ZNF12: variants seen among roughly 807,000 people sequenced by gnomAD.
ZNF12 encodes zinc finger protein 12.
A neutral mutation model predicts 66.6 loss-of-function variants in ZNF12; 34 were observed. The observed-to-expected ratio is 0.51, with a 90% CI of 0.39 to 0.68. ZNF12 has a LOEUF of 0.68. Among genes scored for constraint, ZNF12 ranks in the 30% least tolerant of loss-of-function variants. The pLI, the probability that ZNF12 is intolerant of heterozygous loss-of-function variation, is 0.00. For synonymous variants in ZNF12, 320 were observed against 278.9 expected, an observed-to-expected ratio of 1.15 and a Z score of -1.47; for missense variants, 697 against 826.9, an observed-to-expected ratio of 0.84 and a Z score of 1.93.
intron 4 of ZNF12, among the ~76,000 whole-genome samples, chr7:6,693,785 C>A (rs1034572714): frequency 6.6e-6 from 1 of 152,192 alleles, no homozygotes; most frequent in Non-Finnish European, 1.5e-5. Context: ...TTTGCTTAAG[C>A]CAGACCCACC....
At chr7:6,702,502 A>C (rs1439162586) in intron 2 of ZNF12, among the ~76,000 whole-genome samples, 13 of 83,976 alleles carry the variant, frequency 1.5e-4, no homozygotes, top group South Asian at 4.4e-4. Context: ...ACACACACAC[A>C]CACACAGATT....
chr7:6,693,617 C>T (rs1780109541), intron 4 of ZNF12, among the ~76,000 whole-genome samples: 1 of 152,204 alleles, frequency 6.6e-6, no homozygotes, highest in South Asian at 2.1e-4. Flanking sequence ...TCTCTGTAGT[C>T]AGTATCCTTC....
At chr7:6,699,647 G>T (rs892912603) in intron 2 of ZNF12, among the ~76,000 whole-genome samples, 2 of 152,200 alleles carry the variant, frequency 1.3e-5, no homozygotes, top group African/African-American at 4.8e-5. Context: ...GCCCTGCCTT[G>T]CTGAGCAATA....
Position 6,697,811 on chromosome 7 carries a change from C to T in ZNF12, c.16G>A (p.Gly6Arg). Residue 6 changes from glycine to arginine, a missense_variant and splice_region_variant, in exon 3 of 5, where the codon GGG (glycine) becomes AGG (arginine). Transcript: ENST00000405858. The surrounding 1 kb of genome is among the most constrained non-coding windows in gnomAD (Gnocchi z 6.1). MNKSL[G>R]PVSFKDVAVD... ...GCCACGTCCTTGAATGACACTGGCC[C>T]CTGAAATGGCACCGTGATTGGAATT... 6.2e-7 allele frequency: 1 copy of T among 1,614,082 alleles called. No homozygotes were observed.
chr7:6,695,085 G>T (rs2115349524), intron 4 of ZNF12, among the ~76,000 whole-genome samples: 1 of 152,228 alleles, frequency 6.6e-6, no homozygotes. Flanking sequence ...CACCAGGCCT[G>T]GCTAATTGTT....
chr7:6,693,460 G>T (rs1732314915), intron 4 of ZNF12, among the ~76,000 whole-genome samples: 1 of 152,218 alleles, frequency 6.6e-6, no homozygotes, highest in Non-Finnish European at 1.5e-5. Flanking sequence ...ATAGCGATGA[G>T]ATCAACTGGA....
chr7:6,692,456 T>C lies in ZNF12; in HGVS notation c.486A>G (p.Arg162=), dbSNP rs779129999. The C allele has an allele frequency of 1.2e-6, 2 of 1,613,028 alleles. No individual in the cohort carries two copies. The highest frequency in any genetic ancestry group is 1.7e-6 in the Non-Finnish European group (2 of 1,179,362). Residue 162 remains arginine (R), a synonymous_variant, in exon 5 of 5, where the codon AGA becomes AGG. Transcript: ENST00000405858. The surrounding 1 kb of genome is among the most constrained non-coding windows in gnomAD (Gnocchi z 5.1). ...EYISSDGSYA[R]MKADECSGCG... The stretch of plus-strand genomic sequence containing the variant: ...ATCCACTACATTCATCAGCTTTCAT[T>C]CTTGCATAGCTTCCATCACTACTAA...
rs1304881550 is a variant in ZNF12, at chr7:6,690,049, CT to C, written c.*798del. Reference sequence around the variant, plus strand: ...ATTTTATACATGGATATTTATCTCTCTGGCTGACTCAGATACAGTTGAAAAC... The same window carrying C: ...ATTTTATACATGGATATTTATCTCTCGGCTGACTCAGATACAGTTGAAAAC... On this transcript the variant is annotated 3_prime_UTR_variant, in exon 5 of 5. Transcript: ENST00000405858. 1.3e-5 allele frequency: 2 copies of C among 152,178 alleles called. No homozygotes were observed. Among genetic ancestry groups the C allele is most frequent in the African/African-American group, 4.8e-5 (2 of 41,454 alleles). 9.4% of individuals were successfully genotyped at this position (152,178 alleles called of 1,614,324 possible). A position where few individuals can be genotyped will look rare whatever the true frequency, so the allele number is the denominator to read the frequency against.
In ZNF12 at chr7:6,705,549, T is replaced by A. The variant is rs1279098030; in HGVS notation, c.-50-326A>T. The stretch of plus-strand genomic sequence containing the variant: ...GCCTGGCCAACATGGTGAAACCCCA[T>A]GTCTAGTAAAAATACAAAAATTAGC... On this transcript the variant is annotated intron_variant, in intron 1 of 4. Transcript: ENST00000405858. The surrounding 1 kb of genome is among the most constrained non-coding windows in gnomAD (Gnocchi z 4.0). Among the ~76,000 whole-genome samples, 2 of 152,160 alleles carry A rather than the reference T, an allele frequency of 1.3e-5. No homozygotes were observed. The highest frequency in any genetic ancestry group is 4.8e-5 in the African/African-American group (2 of 41,440).
chr7:6,695,464 C>T (rs1583464534), intron 4 of ZNF12, among the ~76,000 whole-genome samples: 1 of 151,990 alleles, frequency 6.6e-6, no homozygotes, highest in Non-Finnish European at 1.5e-5. Context: ...GCCTCAGCTT[C>T]CCAGGGTTGG....
At position 6,690,289 on chromosome 7, in the gene ZNF12, T is replaced by G. The variant is rs1407701063; in HGVS notation, c.*559A>C. The G allele has an allele frequency of 6.6e-6, 1 of 152,280 alleles. No homozygotes were observed. Among genetic ancestry groups the G allele is most frequent in the Non-Finnish European group, 1.5e-5 (1 of 68,092 alleles). The allele number at this position is 152,280 out of a possible 1,614,324, so 9.4% of individuals were successfully genotyped here. On this transcript the variant is annotated 3_prime_UTR_variant, in exon 5 of 5. Transcript: ENST00000405858. ...CGAAGTGAACATACAATTCCTGTAA[T>G]GTACTGTAATAAAAACAACCCTCTC... is the stretch of plus-strand genomic sequence containing the variant.
At position 6,692,676 on chromosome 7, in the gene ZNF12, A is replaced by C. The variant is rs1780092462; in HGVS notation, c.266T>G (p.Ile89Arg). The change falls in exon 5 of 5, where the codon ATA (isoleucine) becomes AGA (arginine). Residue 89 changes from isoleucine (I) to arginine (R), a missense_variant. By Grantham distance (97) the Ile-to-Arg change is moderately conservative. Coordinates refer to ENST00000405858, the MANE Select transcript of ZNF12 (RefSeq NM_016265.4). The surrounding 1 kb of genome is among the most constrained non-coding windows in gnomAD (Gnocchi z 5.1). The stretch of plus-strand genomic sequence containing the variant: ...ATTTTCCTCTTCCTGGATTCTCTCT[A>C]TTAGGTCATCAGTTTGCCAGACTTC... ...PDEVWQTDDL[I>R]ERIQEEENKP... is the part of the protein sequence containing the mutation. 10 of 1,590,882 alleles carry C rather than the reference A, an allele frequency of 6.3e-6. No homozygotes were observed. The highest frequency in any genetic ancestry group is 7.7e-6 in the Non-Finnish European group (9 of 1,171,272).
Position 6,705,303 on chromosome 7 carries a change from CAG to C in ZNF12, c.-50-82_-50-81del, listed in dbSNP as rs570688832. 212 of 1,034,110 alleles carry C rather than the reference CAG, an allele frequency of 2.1e-4. 2 individuals are homozygous for C. In the Admixed American group the frequency reaches 2.1e-3, roughly 10 times the overall value. 64.1% of individuals were successfully genotyped at this position (1,034,110 alleles called of 1,614,324 possible). On this transcript the variant is annotated intron_variant, in intron 1 of 4. Coordinates refer to ENST00000405858, the MANE Select transcript of ZNF12 (RefSeq NM_016265.4). The surrounding 1 kb of genome is among the most constrained non-coding windows in gnomAD (Gnocchi z 4.0). ...GGTCATCTCCCGCCCAAAACCTACA[CAG>C]AAAGTTCCAAGAAGTACATCTTGTG...
At chr7:6,704,593 G>A (rs1583469379) in intron 2 of ZNF12, among the ~76,000 whole-genome samples, 2 of 109,302 alleles carry the variant, frequency 1.8e-5, no homozygotes, top group African/African-American at 6.8e-5. Flanking sequence ...AAAAAAAAAA[G>A]GCCGGGTGTG....
rs1780097288 is a variant in ZNF12, at chr7:6,692,922, G to C, written c.239-219C>G. On this transcript the variant is annotated intron_variant, in intron 4 of 4. Transcript: ENST00000405858. The surrounding 1 kb of genome is among the most constrained non-coding windows in gnomAD (Gnocchi z 5.1). ...ACACACACATCCCCCTCTAGGAATGGAGAAAGGGGGAAGTAAACTGACAAA... is the reference window on the plus strand; with the variant it reads ...ACACACACATCCCCCTCTAGGAATGCAGAAAGGGGGAAGTAAACTGACAAA... 6.6e-6 allele frequency among the ~76,000 whole-genome samples: 1 copy of C among 152,054 alleles called. No individual in the cohort carries two copies. The highest frequency in any genetic ancestry group is 1.5e-5 in the Non-Finnish European group (1 of 68,012).
chr7:6,697,679 C>A lies in ZNF12; in HGVS notation c.142+6G>T. The A allele has an allele frequency of 6.2e-7, 1 of 1,613,904 alleles. No individual in the cohort carries two copies. Among genetic ancestry groups the A allele is most frequent in the African/African-American group, 1.3e-5 (1 of 75,026 alleles). On this transcript the variant is annotated splice_donor_region_variant and intron_variant, in intron 3 of 4. Transcript: ENST00000405858. The surrounding 1 kb of genome is among the most constrained non-coding windows in gnomAD (Gnocchi z 6.1). ...TTTAGCAACTGAGAAAGCAAGCTATCCTCACCCACAGAAACTAGATTGCTG... is the reference window on the plus strand; with the variant it reads ...TTTAGCAACTGAGAAAGCAAGCTATACTCACCCACAGAAACTAGATTGCTG...
In ZNF12 at chr7:6,689,708, T is replaced by C. The variant is rs1272170329; in HGVS notation, c.*1140A>G. 1 of 152,572 alleles carries C rather than the reference T, an allele frequency of 6.6e-6. No homozygotes were observed. Among genetic ancestry groups the C allele is most frequent in the Non-Finnish European group, 1.5e-5 (1 of 68,026 alleles). The allele number at this position is 152,572 out of a possible 1,614,324, so 9.5% of individuals were successfully genotyped here. On this transcript the variant is annotated 3_prime_UTR_variant, in exon 5 of 5. Coordinates refer to ENST00000405858, the MANE Select transcript of ZNF12 (RefSeq NM_016265.4). ...ATCAAATGAAAACACAGTGAATTCCTATGTTAGAAAGTCACTCGGCAATGT... is the reference window on the plus strand; with the variant it reads ...ATCAAATGAAAACACAGTGAATTCCCATGTTAGAAAGTCACTCGGCAATGT...
Position 6,696,463 on chromosome 7 carries a change from G to T in ZNF12, c.238+876C>A, listed in dbSNP as rs1780156840. 6.6e-6 allele frequency among the ~76,000 whole-genome samples: 1 copy of T among 152,196 alleles called. No homozygotes were observed. The highest frequency in any genetic ancestry group is 2.4e-5 in the African/African-American group (1 of 41,450). Reference sequence around the variant, plus strand: ...GTATCACAGAAAATACCAGACTAGAGCCCAGGCTCAATGGTGGTAGAGATG... The same window carrying T: ...GTATCACAGAAAATACCAGACTAGATCCCAGGCTCAATGGTGGTAGAGATG... On this transcript the variant is annotated intron_variant, in intron 4 of 4. Transcript: ENST00000405858. The surrounding 1 kb of genome is among the most constrained non-coding windows in gnomAD (Gnocchi z 4.0).
At position 6,698,782 on chromosome 7, in the gene ZNF12, C is replaced by A. The variant is rs920769246; in HGVS notation, c.16-971G>T. On this transcript the variant is annotated intron_variant, in intron 2 of 4. Transcript: ENST00000405858. This position sits in a 1 kb window ranked among gnomAD's most constrained non-coding sequence, Gnocchi z 4.4. ...CAGCTGACCTGGAAACTGTCAAAAC[C>A]ACATCTATAAATGTGTATCTTTTGA... Among the ~76,000 whole-genome samples the A allele has an allele frequency of 2.6e-5, 4 of 152,160 alleles. No individual in the cohort carries two copies. Among genetic ancestry groups the A allele is most frequent in the Non-Finnish European group, 5.9e-5 (4 of 68,040 alleles).
Sources: gnomAD v4.1 joint callset for allele counts (sites outside exome capture counted in the v4.1 genomes callset) on GRCh38, gnomAD v4.1.1 for gene constraint, Gnocchi (gnomAD v3.1) non-coding constraint, MANE v1.5 for transcripts, NCBI Gene and HGNC (gene_info 2026-07-23, HGNC 2026-07-21) for gene names.